Variants in SLC24A2 observed in about 807,000 individuals in gnomAD.
SLC24A2 encodes the protein solute carrier family 24 member 2.
A neutral mutation model predicts 62.0 loss-of-function variants in SLC24A2; 36 were observed. The observed-to-expected ratio is 0.58, with a 90% CI of 0.44 to 0.77. SLC24A2 has a LOEUF of 0.77. SLC24A2 is among the 30% of genes least tolerant of loss of function. The pLI is 0.00. For missense variants in SLC24A2, 846 were observed against 817.9 expected (o/e 1.03, Z -0.42); for synonymous variants, 358 against 294.0 (o/e 1.22, Z -2.23).
chr9:20,283,787 T>C, the SLC24A2 span, among the ~76,000 whole-genome samples: 1 of 151,670 alleles, frequency 6.6e-6, no homozygotes, highest in Non-Finnish European at 1.5e-5. Context: ...CCTACAACTT[T>C]ATAGGCTCGC....
At chr9:20,021,472 C>T in the SLC24A2 span, among the ~76,000 whole-genome samples, 10 of 151,738 alleles carry the variant, frequency 6.6e-5, no homozygotes, top group South Asian at 4.2e-4. Flanking sequence ...CAAATAGATC[C>T]ACAAAAGCCA....
At chr9:19,783,856 G>A (rs959568981) in intron 2 of SLC24A2, among the ~76,000 whole-genome samples, 34 of 151,956 alleles carry the variant, frequency 2.2e-4, no homozygotes, top group African/African-American at 8.0e-4. Flanking sequence ...GTTAACCAAT[G>A]TCAAAAGAAA....
At chr9:20,119,353 G>A in the SLC24A2 span, among the ~76,000 whole-genome samples, 40 of 152,016 alleles carry the variant, frequency 2.6e-4, no homozygotes, top group Non-Finnish European at 5.1e-4. Context: ...TTGTTATGCC[G>A]ATTATAAAAT....
At chr9:19,889,247 G>T in the SLC24A2 span, among the ~76,000 whole-genome samples, 1 of 152,242 alleles carries the variant, frequency 6.6e-6, no homozygotes, top group South Asian at 2.1e-4. Flanking sequence ...AACAAACATG[G>T]TATAAAGCCA....
chr9:19,637,022 AG>A (rs1193886914), intron 2 of SLC24A2, among the ~76,000 whole-genome samples: 8 of 152,374 alleles, frequency 5.3e-5, no homozygotes, highest in African/African-American at 1.9e-4. Context: ...CAGCATCCAA[AG>A]GGTATGTATC....
chr9:19,941,285 G>A, the SLC24A2 span, among the ~76,000 whole-genome samples: 1 of 152,116 alleles, frequency 6.6e-6, no homozygotes, highest in South Asian at 2.1e-4. Flanking sequence ...CCCATCCCTT[G>A]AGACTGAAAC....
intron 9 of SLC24A2, among the ~76,000 whole-genome samples, chr9:19,524,891 A>G (rs1833363599): frequency 2.0e-5 from 3 of 152,246 alleles, no homozygotes; most frequent in South Asian, 2.1e-4. Flanking sequence ...CAAAAAAGAA[A>G]TATCTGGGAA....
At chr9:19,918,963 A>G in the SLC24A2 span, among the ~76,000 whole-genome samples, 2 of 152,210 alleles carry the variant, frequency 1.3e-5, no homozygotes, top group East Asian at 3.9e-4. Flanking sequence ...TTTGGGTCAT[A>G]AGGTTTCTTC....
chr9:20,189,770 A>G, the SLC24A2 span, among the ~76,000 whole-genome samples: 1 of 152,148 alleles, frequency 6.6e-6, no homozygotes, highest in Non-Finnish European at 1.5e-5. Flanking sequence ...TGCAAATCGC[A>G]TTACTTTAGC....
the SLC24A2 span, among the ~76,000 whole-genome samples, chr9:19,858,585 T>G: frequency 1.3e-5 from 2 of 152,152 alleles, no homozygotes; most frequent in Non-Finnish European, 2.9e-5. Context: ...AGAAAATATC[T>G]GCAAAGTATG....
the SLC24A2 span, among the ~76,000 whole-genome samples, chr9:20,287,015 G>A: frequency 1.3e-5 from 2 of 152,228 alleles, no homozygotes; most frequent in East Asian, 1.9e-4. Context: ...CCTACCCCAG[G>A]GCTTTGGATT....
intron 2 of SLC24A2, among the ~76,000 whole-genome samples, chr9:19,683,810 G>A (rs749566219): frequency 5.3e-5 from 8 of 152,032 alleles, no homozygotes; most frequent in Non-Finnish European, 8.8e-5. Flanking sequence ...GAGGCGGGGA[G>A]GAAACACTTA....
the SLC24A2 span, among the ~76,000 whole-genome samples, chr9:19,821,999 G>C: frequency 6.6e-6 from 1 of 152,078 alleles, no homozygotes; most frequent in East Asian, 1.9e-4. Flanking sequence ...GATATAGTGT[G>C]CAAGACATTT....
the SLC24A2 span, among the ~76,000 whole-genome samples, chr9:19,889,201 A>G: frequency 6.6e-6 from 1 of 152,184 alleles, no homozygotes; most frequent in Admixed American, 6.5e-5. Context: ...TTACACTGGG[A>G]AGGATATTCT....
the SLC24A2 span, among the ~76,000 whole-genome samples, chr9:20,113,266 C>G: frequency 6.6e-6 from 1 of 152,092 alleles, no homozygotes; most frequent in Non-Finnish European, 1.5e-5. Context: ...GCCCGCACTC[C>G]CTGGAGCCAA....
intron 2 of SLC24A2, among the ~76,000 whole-genome samples, chr9:19,779,764 C>G (rs1218359422): frequency 2.0e-5 from 3 of 152,118 alleles, no homozygotes; most frequent in Non-Finnish European, 4.4e-5. Flanking sequence ...AAGCTGTTTA[C>G]AAAACATCAA....
At position 19,614,805 on chromosome 9, in the gene SLC24A2, T is replaced by C. The variant is rs73428335; in HGVS notation, c.1078+4779A>G. Among the ~76,000 whole-genome samples, 333 of 152,152 alleles carry C rather than the reference T, an allele frequency of 2.2e-3. 1 individual carries two copies. Among genetic ancestry groups the C allele is most frequent in the African/African-American group, 7.6e-3 (316 of 41,528 alleles). On this transcript the variant is annotated intron_variant, in intron 4 of 10. Coordinates refer to ENST00000341998, the MANE Select transcript of SLC24A2 (RefSeq NM_020344.4). The stretch of plus-strand genomic sequence containing the variant: ...CAGGGGACCCAGTTGAGCCCAGCTT[T>C]CCACTGTGCCTTCCTTTGTAGGTGT...
chr9:19,923,778 G>A, the SLC24A2 span, among the ~76,000 whole-genome samples: 1 of 152,306 alleles, frequency 6.6e-6, no homozygotes, highest in South Asian at 2.1e-4. Flanking sequence ...AGACAGAGTT[G>A]TTCTTGTTGC....
the SLC24A2 span, among the ~76,000 whole-genome samples, chr9:19,850,857 C>T: frequency 1.4e-5 from 2 of 146,538 alleles, no homozygotes; most frequent in Non-Finnish European, 3.0e-5. Context: ...TTTATCTAGT[C>T]ACCAGCTGAT....
Sources: allele counts gnomAD v4.1 joint callset (sites outside exome capture counted in the v4.1 genomes callset), GRCh38; gene constraint gnomAD v4.1.1; transcripts MANE v1.5; gene names NCBI Gene and HGNC (gene_info 2026-07-23, HGNC 2026-07-21).